Variants in PDE6D observed in about 807,000 individuals in gnomAD.
The protein encoded by PDE6D is phosphodiesterase 6D.
PDE6D carries 10 observed loss-of-function variants against 21.9 expected under a neutral mutation model. The ratio of observed to expected loss-of-function variants is 0.46; its 90% CI spans 0.28 to 0.78. The LOEUF is 0.78. Among genes scored for constraint, PDE6D ranks in the 30% least tolerant of loss-of-function variants. The probability of loss-of-function intolerance (pLI) is 0.12; values close to 1 mark genes in which losing one functional copy is unlikely to be tolerated. For synonymous variants in PDE6D, 59 were observed against 63.5 expected (o/e 0.93, Z 0.34); for missense variants, 139 against 184.8 (o/e 0.75, Z 1.44).
Position 231,739,258 on chromosome 2 carries a change from T to C in PDE6D, c.51-70A>G, listed in dbSNP as rs749890419. ...CCCACTTTGTATTCTAGGTGTCTCA[T>C]GTTTACTCCCACCAACTCTTGTTTA... On this transcript the variant is annotated intron_variant, in intron 1 of 4. Coordinates refer to ENST00000287600, the MANE Select transcript of PDE6D (RefSeq NM_002601.4). This position sits in a 1 kb window ranked among gnomAD's most constrained non-coding sequence, Gnocchi z 4.2. The C allele has an allele frequency of 1.1e-6, 1 of 922,414 alleles. No homozygotes were observed. The highest frequency in any genetic ancestry group is 1.3e-5 in the South Asian group (1 of 77,122). The allele number at this position is 922,414 out of a possible 1,614,324, so 57.1% of individuals were successfully genotyped here.
Position 231,732,999 on chromosome 2 carries a change from C to A in PDE6D, c.406G>T (p.Asp136Tyr). 1 of 1,611,928 alleles carries A rather than the reference C, an allele frequency of 6.2e-7. No homozygotes were observed. Among genetic ancestry groups the A allele is most frequent in the Non-Finnish European group, 8.5e-7 (1 of 1,178,124 alleles). Residue 136 changes from aspartate (D) to tyrosine (Y), a missense_variant, in exon 5 of 5, where the codon GAC (aspartate) becomes TAC (tyrosine). Coordinates refer to ENST00000287600, the MANE Select transcript of PDE6D (RefSeq NM_002601.4). Reference protein sequence around the residue: ...NVIIETKFFDDDLLVSTSRVR... With the variant: ...NVIIETKFFDYDLLVSTSRVR... The stretch of plus-strand genomic sequence containing the variant: ...CTGGATGTGCTTACAAGAAGATCGT[C>A]GTCAAAAAACTTTGTTTCTATGATA...
intron 1 of PDE6D, among the ~76,000 whole-genome samples, chr2:231,756,521 T>G (rs1328488175): frequency 6.6e-6 from 1 of 151,612 alleles, no homozygotes; most frequent in Non-Finnish European, 1.5e-5. Flanking sequence ...ACTGCAGCCT[T>G]GAACTCCTGG....
At chr2:231,769,595 C>T (rs2048999618) in intron 1 of PDE6D, among the ~76,000 whole-genome samples, 1 of 151,966 alleles carries the variant, frequency 6.6e-6, no homozygotes, top group South Asian at 2.1e-4. Flanking sequence ...CATATACACA[C>T]ACATGCACAC....
rs78136313 is a variant in PDE6D at position 231,756,568 on chromosome 2, G to C, written c.51-17380C>G. ...TCTTCCCACCTCAGCTTCTTGGGTAGCTAGGACTATGGGTGCAAACTACTA... is the reference window on the plus strand; with the variant it reads ...TCTTCCCACCTCAGCTTCTTGGGTACCTAGGACTATGGGTGCAAACTACTA... On this transcript the variant is annotated intron_variant, in intron 1 of 4. Coordinates refer to ENST00000287600, the MANE Select transcript of PDE6D (RefSeq NM_002601.4). 1.7e-3 allele frequency among the ~76,000 whole-genome samples: 253 copies of C among 150,630 alleles called. 1 individual carries two copies. Among genetic ancestry groups the C allele is most frequent in the African/African-American group, 5.9e-3 (243 of 40,972 alleles).
At chr2:231,770,825 C>T (rs1307480116) in intron 1 of PDE6D, among the ~76,000 whole-genome samples, 1 of 151,912 alleles carries the variant, frequency 6.6e-6, no homozygotes, top group Admixed American at 6.6e-5. Flanking sequence ...TGGTGGCAGG[C>T]GCCTGTAATC....
chr2:231,748,265 T>C (rs186693232), intron 1 of PDE6D, among the ~76,000 whole-genome samples: 3 of 152,286 alleles, frequency 2.0e-5, no homozygotes, highest in Admixed American at 1.3e-4. Flanking sequence ...ATATGGACAA[T>C]AAAATTCAGA....
rs751825039 is a variant in PDE6D at position 231,737,270 on chromosome 2, A to G, written c.288T>C (p.Phe96=). 1 of 1,610,930 alleles carries G rather than the reference A, an allele frequency of 6.2e-7. No homozygotes were observed. The highest frequency in any genetic ancestry group is 1.1e-5 in the South Asian group (1 of 91,006). The change falls in exon 4 of 5, where the codon TTT becomes TTC. Residue 96 remains phenylalanine (F), a synonymous_variant. Coordinates refer to ENST00000287600, the MANE Select transcript of PDE6D (RefSeq NM_002601.4). ...AGGTATTTGTGGAGTTAGGGATCAC[A>G]AAGCCAAACTCGAAGAACCATTCTG... ...CLEEWFFEFG[F]VIPNSTNTWQ...
chr2:231,750,717 A>G (rs1450008970), intron 1 of PDE6D, among the ~76,000 whole-genome samples: 1 of 134,808 alleles, frequency 7.4e-6, no homozygotes, highest in Admixed American at 8.3e-5. Context: ...TGTGTTGGCC[A>G]GGCTGGTCTC....
At position 231,739,241 on chromosome 2, in the gene PDE6D, G is replaced by A. The variant is rs1341597390; in HGVS notation, c.51-53C>T. The stretch of plus-strand genomic sequence containing the variant: ...AGGCACTGAAAGTGACTCCCACTTT[G>A]TATTCTAGGTGTCTCATGTTTACTC... On this transcript the variant is annotated intron_variant, in intron 1 of 4. Coordinates refer to ENST00000287600, the MANE Select transcript of PDE6D (RefSeq NM_002601.4). This position sits in a 1 kb window ranked among gnomAD's most constrained non-coding sequence, Gnocchi z 4.2. 8 of 1,076,078 alleles carry A rather than the reference G, an allele frequency of 7.4e-6. No homozygotes were observed. The highest frequency in any genetic ancestry group is 1.2e-5 in the Non-Finnish European group (8 of 689,676). 66.7% of individuals were successfully genotyped at this position (1,076,078 alleles called of 1,614,324 possible).
intron 3 of PDE6D, chr2:231,737,629 A>C: frequency 3.2e-6 from 1 of 308,542 alleles, no homozygotes; most frequent in South Asian, 6.5e-5. Flanking sequence ...GAAGGGGCTT[A>C]TGTGCCCTTT....
At chr2:231,735,013 C>T (rs1356467023) in intron 4 of PDE6D, among the ~76,000 whole-genome samples, 2 of 151,034 alleles carry the variant, frequency 1.3e-5, no homozygotes, top group Non-Finnish European at 1.5e-5. Context: ...GAGGCCGAGG[C>T]GGGCGGATCA....
chr2:231,775,199 CCA>C (rs1466330542), intron 1 of PDE6D, among the ~76,000 whole-genome samples: 2 of 152,060 alleles, frequency 1.3e-5, no homozygotes, highest in African/African-American at 4.8e-5. Flanking sequence ...CAGGCGTGAA[CCA>C]CTGTGCCTGG....
Position 231,765,306 on chromosome 2 carries a change from G to A in PDE6D, c.50+15759C>T, listed in dbSNP as rs2048961184. 2.0e-5 allele frequency among the ~76,000 whole-genome samples: 3 copies of A among 151,518 alleles called. No homozygotes were observed. In the South Asian group the frequency reaches 6.2e-4, roughly 32 times the overall value. ...TAAAAAATAAAAAAGTGGGAGGGGGGCAACTTAAACCTGGAACTCAGAAAG... is the reference window on the plus strand; with the variant it reads ...TAAAAAATAAAAAAGTGGGAGGGGGACAACTTAAACCTGGAACTCAGAAAG... On this transcript the variant is annotated intron_variant, in intron 1 of 4. Transcript: ENST00000287600.
At chr2:231,778,686 A>G (rs554449557) in intron 1 of PDE6D, 40 of 152,376 alleles carry the variant, frequency 2.6e-4, no homozygotes, top group African/African-American at 8.2e-4. Flanking sequence ...GCTCAGGGAC[A>G]CACAACTAGG....
intron 1 of PDE6D, among the ~76,000 whole-genome samples, chr2:231,773,517 G>A (rs888795982): frequency 7.9e-5 from 12 of 152,128 alleles, no homozygotes; most frequent in African/African-American, 1.2e-4. Flanking sequence ...TTCTACAGTC[G>A]ACTTTTCTTA....
intron 1 of PDE6D, among the ~76,000 whole-genome samples, chr2:231,762,092 G>C (rs3912020): frequency 0.18 from 26,946 of 152,170 alleles, 2,775 homozygotes; most frequent in Non-Finnish European, 0.23. Context: ...GCTTAGTAGA[G>C]AAGGAAGATG....
intron 4 of PDE6D, among the ~76,000 whole-genome samples, chr2:231,734,857 A>C (rs1038338342): frequency 3.8e-4 from 50 of 130,854 alleles, no homozygotes; most frequent in Admixed American, 6.0e-4. Flanking sequence ...AAAAAAAAAA[A>C]CAAAAAAAAA....
intron 1 of PDE6D, among the ~76,000 whole-genome samples, chr2:231,764,834 TCTCAGTG>T (rs1387274838): frequency 2.6e-5 from 4 of 152,232 alleles, no homozygotes; most frequent in Admixed American, 6.5e-5. Flanking sequence ...ATCTTTCTCT[TCTCAGTG>T]CTCAGCATGT....
At chr2:231,765,428 T>C (rs1218001998) in intron 1 of PDE6D, among the ~76,000 whole-genome samples, 1 of 152,064 alleles carries the variant, frequency 6.6e-6, no homozygotes, top group Non-Finnish European at 1.5e-5. Context: ...CAAGTAACAA[T>C]ATATTAGAAT....
Sources: allele counts gnomAD v4.1 joint callset (sites outside exome capture counted in the v4.1 genomes callset), GRCh38; gene constraint gnomAD v4.1.1; non-coding constraint Gnocchi (gnomAD v3.1); transcripts MANE v1.5; gene names NCBI Gene and HGNC (gene_info 2026-07-23, HGNC 2026-07-21).